Variants in GLYR1 observed in about 807,000 individuals in gnomAD.
GLYR1 encodes the protein cytokine-like nuclear factor N-PAC.
A neutral mutation model predicts 72.7 loss-of-function variants in GLYR1; 21 were observed. The ratio of observed to expected loss-of-function variants is 0.29; its 90% CI spans 0.20 to 0.42. The LOEUF is 0.42. GLYR1 is among the 10% of genes least tolerant of loss of function. The pLI, the probability that GLYR1 is intolerant of heterozygous loss-of-function variation, is 1.00. For missense variants in GLYR1, 594 were observed against 712.1 expected (o/e 0.83, Z 1.89); for synonymous variants, 392 against 270.2 (o/e 1.45, Z -4.42).
At chr16:4,821,204 T>G (rs1391978707) in intron 9 of GLYR1, 176 bp downstream of exon 9, 69 of 673,920 alleles carry the variant, frequency 1.0e-4, no homozygotes, top group Non-Finnish European at 1.1e-4. Context: ...CGACCACAGA[T>G]TTACACAGCT....
intron 3 of GLYR1, chr16:4,839,687 T>C (rs990383095): frequency 1.3e-5 from 2 of 152,152 alleles, no homozygotes; most frequent in African/African-American, 4.8e-5. Context: ...CTCCTAACAG[T>C]GGGATGTCAA....
chr16:4,821,440 G>A lies in GLYR1; in HGVS notation c.746C>T (p.Thr249Ile). Residue 249 changes from threonine to isoleucine, a missense_variant, in exon 9 of 16, where the codon ACC (threonine) becomes ATC (isoleucine). Physicochemically the swap from Thr to Ile is moderately conservative, Grantham distance 89. Coordinates refer to ENST00000321919, the MANE Select transcript of GLYR1 (RefSeq NM_032569.4). Reference sequence around the variant, plus strand: ...TGTGCTGTCAGCTGCCTGGATGGAGGTGGAGCCAGTTTCCTACGGACAGGA... The same window carrying A: ...TGTGCTGTCAGCTGCCTGGATGGAGATGGAGCCAGTTTCCTACGGACAGGA... ...LKICEEETGS[T>I]SIQAADSTAV... is the part of the protein sequence containing the mutation. The A allele has an allele frequency of 6.2e-7, 1 of 1,613,998 alleles. No homozygotes were observed. The highest frequency in any genetic ancestry group is 8.5e-7 in the Non-Finnish European group (1 of 1,180,052).
chr16:4,835,402 A>T (rs1262904078), intron 3 of GLYR1, among the ~76,000 whole-genome samples: 1 of 152,252 alleles, frequency 6.6e-6, no homozygotes, highest in African/African-American at 2.4e-5. Flanking sequence ...TCCTCTTTAC[A>T]ACCATCTTCG....
chr16:4,836,435 A>G (rs549957804), intron 3 of GLYR1, among the ~76,000 whole-genome samples: 16 of 152,196 alleles, frequency 1.1e-4, no homozygotes, highest in Non-Finnish European at 1.9e-4. Context: ...TTTCAGCCCA[A>G]TTGTGGCTGG....
At chr16:4,841,527 C>G (rs891255599) in intron 3 of GLYR1, among the ~76,000 whole-genome samples, 2 of 147,592 alleles carry the variant, frequency 1.4e-5, no homozygotes, top group African/African-American at 5.0e-5. Flanking sequence ...CAACTGTGGT[C>G]CCAGCTACTC....
intron 5 of GLYR1, 60 bp from the exon 6 acceptor site, chr16:4,823,967 C>G: frequency 7.4e-7 from 1 of 1,344,268 alleles, no homozygotes; most frequent in East Asian, 2.3e-5. Context: ...AAACCCCTTG[C>G]AAGCTCCACA....
chr16:4,842,995 C>T (rs1278069615), intron 3 of GLYR1, among the ~76,000 whole-genome samples: 1 of 152,154 alleles, frequency 6.6e-6, no homozygotes, highest in African/African-American at 2.4e-5. Flanking sequence ...CCACCATGCC[C>T]GACCATCATT....
At position 4,811,804 on chromosome 16, in the gene GLYR1, T is replaced by TG. The variant is rs1239221417; in HGVS notation, c.1283-3dup. The TG allele has an allele frequency of 6.2e-7, 1 of 1,611,686 alleles. No individual in the cohort carries two copies. The highest frequency in any genetic ancestry group is 1.3e-5 in the African/African-American group (1 of 74,898). On this transcript the variant is annotated splice_polypyrimidine_tract_variant and splice_region_variant and intron_variant, in intron 13 of 15. Coordinates refer to ENST00000321919, the MANE Select transcript of GLYR1 (RefSeq NM_032569.4). Reference sequence around the variant, plus strand: ...TCTTGGCTGCATTGCCCACTTCACCTGCCCAGGGTAAAGACTCACGGTCAC... The same window carrying TG: ...TCTTGGCTGCATTGCCCACTTCACCTGGCCCAGGGTAAAGACTCACGGTCAC...
chr16:4,842,032 G>C (rs1306348437), intron 3 of GLYR1, among the ~76,000 whole-genome samples: 1 of 152,058 alleles, frequency 6.6e-6, no homozygotes, highest in Non-Finnish European at 1.5e-5. Context: ...ACGAGGTCAG[G>C]AGATCAAGAC....
At chr16:4,824,877 T>A (rs2141995917) in intron 5 of GLYR1, among the ~76,000 whole-genome samples, 1 of 152,242 alleles carries the variant, frequency 6.6e-6, no homozygotes, top group Non-Finnish European at 1.5e-5. Context: ...ACCCCCTGCC[T>A]AAACTACTCC....
intron 3 of GLYR1, 93 bp from the exon 4 acceptor site, chr16:4,833,005 T>C: frequency 8.0e-7 from 1 of 1,254,340 alleles, no homozygotes; most frequent in Non-Finnish European, 1.1e-6. Context: ...AAATATCCAT[T>C]TGGTTTAACT....
chr16:4,813,479 C>A (rs2083443685), intron 12 of GLYR1, among the ~76,000 whole-genome samples: 1 of 152,196 alleles, frequency 6.6e-6, no homozygotes, highest in African/African-American at 2.4e-5. Flanking sequence ...GGCGGGCGGC[C>A]TGGGTTGCTT....
chr16:4,809,569 G>A (rs182379481), intron 15 of GLYR1, among the ~76,000 whole-genome samples: 145 of 147,250 alleles, frequency 9.8e-4, no homozygotes, highest in African/African-American at 3.5e-3. Context: ...CCGAGATCGT[G>A]CCACTGTACT....
At position 4,805,446 on chromosome 16, in the gene GLYR1, T is replaced by C. The variant is rs2082911567; in HGVS notation, c.1588-136A>G. ...GGCTGTCCGGTTAGGAATCCTGTGT[T>C]GACCTTGCATGAAGCACCTCCGTTT... On this transcript the variant is annotated intron_variant, in intron 15 of 15. Transcript: ENST00000321919. 5 of 715,406 alleles carry C rather than the reference T, an allele frequency of 7.0e-6. No individual in the cohort carries two copies. The Admixed American group carries it at 8.5e-5, about 12-fold the overall frequency. 44.3% of individuals were successfully genotyped at this position (715,406 alleles called of 1,614,324 possible). A position where few individuals can be genotyped will look rare whatever the true frequency, so the allele number is the denominator to read the frequency against.
At chr16:4,846,082 C>A in intron 2 of GLYR1, 92 bp downstream of exon 2, 1 of 1,405,680 alleles carries the variant, frequency 7.1e-7, no homozygotes. Context: ...CCCAATTTAA[C>A]TCAATACTAG....
chr16:4,835,730 C>G (rs1245250417), intron 3 of GLYR1, among the ~76,000 whole-genome samples: 1 of 152,132 alleles, frequency 6.6e-6, no homozygotes, highest in Non-Finnish European at 1.5e-5. Flanking sequence ...ACTCGGAAGG[C>G]TGAGACAGGA....
rs545296097 is a variant in GLYR1, at chr16:4,827,017, G to A, written c.538-3110C>T. On this transcript the variant is annotated intron_variant, in intron 5 of 15. Transcript: ENST00000321919. ...CTAACAGCGCTACTTTGATCTGGGT[G>A]GGCTGTGCCCAGAGTTCATCCCCAG... Among the ~76,000 whole-genome samples, 4 of 152,384 alleles carry A rather than the reference G, an allele frequency of 2.6e-5. No homozygotes were observed. The South Asian group carries it at 8.3e-4, about 32-fold the overall frequency.
At chr16:4,835,321 C>A (rs144560936) in intron 3 of GLYR1, among the ~76,000 whole-genome samples, 85 of 152,292 alleles carry the variant, frequency 5.6e-4, no homozygotes, top group African/African-American at 1.9e-3. Context: ...ACAAGGTTTA[C>A]TGATTTCTGC....
intron 3 of GLYR1, chr16:4,843,338 A>T: frequency 5.0e-6 from 2 of 401,292 alleles, no homozygotes; most frequent in Non-Finnish European, 7.6e-6. Flanking sequence ...TATTTTTTGT[A>T]GAGACGGGGT....
Sources: allele counts gnomAD v4.1 joint callset (sites outside exome capture counted in the v4.1 genomes callset), GRCh38; gene constraint gnomAD v4.1.1; transcripts MANE v1.5; gene names NCBI Gene and HGNC (gene_info 2026-07-23, HGNC 2026-07-21).